The following EPHA6 variants were observed in gnomAD, a reference collection of about 807,000 sequenced individuals.
EPHA6 encodes EPH receptor A6, also known as ephrin type-A receptor 6.
Under a neutral mutation model 112.0 loss-of-function variants are expected in EPHA6, and 50 were observed. That is an observed-to-expected ratio of 0.45 (90% CI 0.36 to 0.56). The LOEUF (loss-of-function observed/expected upper bound fraction) is 0.56, where lower values mean the gene tolerates loss of function less well. Ranked by LOEUF, EPHA6 falls within the 20% of genes least tolerant of loss-of-function variation. The probability of loss-of-function intolerance (pLI) is 0.00; values close to 1 mark genes in which losing one functional copy is unlikely to be tolerated. For synonymous variants in EPHA6, 529 were observed against 490.7 expected, an observed-to-expected ratio of 1.08 and a Z score of -1.03; for missense variants, 1,280 against 1,417.4, an observed-to-expected ratio of 0.90 and a Z score of 1.56.
At chr3:96,840,348 G>T (rs775386176) in intron 1 of EPHA6, among the ~76,000 whole-genome samples, 2 of 152,042 alleles carry the variant, frequency 1.3e-5, no homozygotes, top group African/African-American at 2.4e-5. Flanking sequence ...GATTTACTCA[G>T]AATTATTTAT....
intron 2 of EPHA6, among the ~76,000 whole-genome samples, chr3:96,897,556 A>T (rs2038348205): frequency 6.6e-6 from 1 of 152,138 alleles, no homozygotes; most frequent in African/African-American, 2.4e-5. Context: ...TCTTCATTTA[A>T]TGTCCTCAAA....
chr3:97,525,015 G>C (rs1438433715), intron 10 of EPHA6, among the ~76,000 whole-genome samples: 1 of 151,898 alleles, frequency 6.6e-6, no homozygotes, highest in South Asian at 2.1e-4. Context: ...GTCCTTTGAG[G>C]TTCCTGAATC....
intron 11 of EPHA6, among the ~76,000 whole-genome samples, chr3:97,547,807 G>T (rs1391573916): frequency 6.6e-6 from 1 of 152,156 alleles, no homozygotes; most frequent in Non-Finnish European, 1.5e-5. Context: ...CTTGCAGCTG[G>T]ATCTTAGACT....
chr3:97,439,096 C>T (rs1329507700), intron 6 of EPHA6, among the ~76,000 whole-genome samples: 1 of 152,092 alleles, frequency 6.6e-6, no homozygotes, highest in African/African-American at 2.4e-5. Flanking sequence ...TGTGCCTTCT[C>T]CTACTACTGT....
chr3:97,557,832 A>T (rs932023567), intron 11 of EPHA6, among the ~76,000 whole-genome samples: 3 of 151,214 alleles, frequency 2.0e-5, no homozygotes, highest in African/African-American at 7.4e-5. Context: ...GTTTTAAAAA[A>T]TTTTCTTTAG....
intron 3 of EPHA6, among the ~76,000 whole-genome samples, chr3:97,097,230 G>A (rs544261579): frequency 2.0e-5 from 3 of 151,674 alleles, no homozygotes; most frequent in South Asian, 4.2e-4. Context: ...ATAAAAATAT[G>A]TAAATGGAAA....
At chr3:97,652,607 G>T (rs2094114823) in intron 14 of EPHA6, among the ~76,000 whole-genome samples, 1 of 151,914 alleles carries the variant, frequency 6.6e-6, no homozygotes, top group Admixed American at 6.6e-5. Context: ...TTCTAGTACT[G>T]GCCCTTTCAC....
chr3:97,429,092 C>T (rs982781299), intron 6 of EPHA6, among the ~76,000 whole-genome samples: 2 of 152,054 alleles, frequency 1.3e-5, no homozygotes, highest in African/African-American at 4.8e-5. Context: ...TTACACAAGC[C>T]ATGATTTTTT....
At chr3:97,684,575 G>A (rs1008592793) in intron 14 of EPHA6, among the ~76,000 whole-genome samples, 8 of 152,216 alleles carry the variant, frequency 5.3e-5, no homozygotes, top group East Asian at 1.9e-4. Flanking sequence ...TCACTTCCAC[G>A]TCTAATAATG....
chr3:97,627,495 A>G (rs1026229608), intron 13 of EPHA6, among the ~76,000 whole-genome samples: 2 of 151,920 alleles, frequency 1.3e-5, no homozygotes, highest in African/African-American at 4.8e-5. Context: ...AGGGAATAGT[A>G]ATAGCAAGTG....
intron 2 of EPHA6, among the ~76,000 whole-genome samples, chr3:96,980,644 G>T (rs1349878393): frequency 6.6e-6 from 1 of 151,312 alleles, no homozygotes; most frequent in African/African-American, 2.4e-5. Context: ...ACCTTGGGCA[G>T]TATGGCCATT....
At chr3:96,859,383 A>ATTTTT (rs58615285) in intron 1 of EPHA6, among the ~76,000 whole-genome samples, 4 of 140,928 alleles carry the variant, frequency 2.8e-5, no homozygotes, top group Non-Finnish European at 6.2e-5. Context: ...ATAATGGTTA[A>ATTTTT]TTTTTTTTTT....
intron 3 of EPHA6, among the ~76,000 whole-genome samples, chr3:96,993,312 T>A (rs79366724): frequency 3.3e-5 from 5 of 151,086 alleles, no homozygotes; most frequent in African/African-American, 9.8e-5. Context: ...TTTTTTTTTT[T>A]AATGAGACAG....
chr3:97,680,522 G>A (rs1445142293), intron 14 of EPHA6, among the ~76,000 whole-genome samples: 1 of 152,168 alleles, frequency 6.6e-6, no homozygotes, highest in South Asian at 2.1e-4. Context: ...CTAAATGAAT[G>A]AATCACTCAA....
At chr3:97,027,767 A>T (rs2044692844) in intron 3 of EPHA6, among the ~76,000 whole-genome samples, 2 of 152,300 alleles carry the variant, frequency 1.3e-5, no homozygotes, top group East Asian at 3.9e-4. Flanking sequence ...ACTGCCTTTT[A>T]AAAAAATGTC....
chr3:96,944,658 C>T (rs2041157643), intron 2 of EPHA6, among the ~76,000 whole-genome samples: 1 of 152,158 alleles, frequency 6.6e-6, no homozygotes, highest in Admixed American at 6.5e-5. Flanking sequence ...GCAGTTTTCT[C>T]ATCTGTAAAA....
intron 5 of EPHA6, among the ~76,000 whole-genome samples, chr3:97,292,403 C>T (rs377162476): frequency 1.1e-4 from 16 of 152,216 alleles, no homozygotes; most frequent in East Asian, 9.6e-4. Context: ...AGTTCTTGTC[C>T]TGCATACAAA....
At chr3:96,947,832 C>A (rs898547473) in intron 2 of EPHA6, among the ~76,000 whole-genome samples, 2 of 152,046 alleles carry the variant, frequency 1.3e-5, no homozygotes, top group Non-Finnish European at 2.9e-5. Context: ...CCCAAGGTAA[C>A]TTATAGATTC....
At chr3:96,976,719 C>T (rs2042539359) in intron 2 of EPHA6, among the ~76,000 whole-genome samples, 1 of 152,146 alleles carries the variant, frequency 6.6e-6, no homozygotes, top group Admixed American at 6.6e-5. Context: ...CTACATTACC[C>T]TTCATGAAGA....
Sources: gnomAD v4.1 joint callset for allele counts (sites outside exome capture counted in the v4.1 genomes callset) on GRCh38, gnomAD v4.1.1 for gene constraint, MANE v1.5 for transcripts, NCBI Gene and HGNC (gene_info 2026-07-23, HGNC 2026-07-21) for gene names.